Variants in ADARB1 observed in about 807,000 individuals in gnomAD.
ADARB1 encodes adenosine deaminase RNA specific B1.
Under a neutral mutation model 52.4 loss-of-function variants are expected in ADARB1, and 10 were observed. The ratio of observed to expected loss-of-function variants is 0.19; its 90% CI spans 0.12 to 0.32. The LOEUF (loss-of-function observed/expected upper bound fraction) is 0.32. Ranked by LOEUF, ADARB1 falls within the 10% of genes least tolerant of loss-of-function variation. ADARB1 has a pLI of 1.00. For synonymous variants in ADARB1, 349 were observed against 371.1 expected, an observed-to-expected ratio of 0.94 and a Z score of 0.68; for missense variants, 643 against 922.3, an observed-to-expected ratio of 0.70 and a Z score of 3.92.
intron 1 of ADARB1, among the ~76,000 whole-genome samples, chr21:45,082,277 A>G (rs1387004167): frequency 6.6e-6 from 1 of 152,238 alleles, no homozygotes; most frequent in South Asian, 2.1e-4. Flanking sequence ...GATGAGGTTC[A>G]TAACTTAAAT....
chr21:45,116,363 A>G lies in ADARB1; in HGVS notation c.-219-12039A>G, dbSNP rs558456736. ...CTTTGGAGAAAACTCTACATTGCCA[A>G]GCTTCTTCTGAAAGATTTAATTTTT... is the stretch of plus-strand genomic sequence containing the variant. On this transcript the variant is annotated intron_variant, in intron 1 of 10. Coordinates refer to ENST00000348831, the MANE Select transcript of ADARB1 (RefSeq NM_001112.4). Among the ~76,000 whole-genome samples, 15 of 152,374 alleles carry G rather than the reference A, an allele frequency of 9.8e-5. No homozygotes were observed. The South Asian group carries it at 3.1e-3, about 32-fold the overall frequency.
intron 1 of ADARB1, among the ~76,000 whole-genome samples, chr21:45,085,516 C>T (rs79930418): frequency 1.9e-3 from 293 of 152,200 alleles, no homozygotes; most frequent in African/African-American, 6.4e-3. Context: ...ACTCCATTCT[C>T]GATATGAATG....
At chr21:45,169,658 C>G (rs1209248930) in intron 2 of ADARB1, among the ~76,000 whole-genome samples, 1 of 152,208 alleles carries the variant, frequency 6.6e-6, no homozygotes, top group African/African-American at 2.4e-5. Flanking sequence ...ACTCTGTCTT[C>G]CCACTGAGGA....
At chr21:45,147,562 G>A (rs1029694883) in intron 2 of ADARB1, among the ~76,000 whole-genome samples, 1 of 152,190 alleles carries the variant, frequency 6.6e-6, no homozygotes, top group Non-Finnish European at 1.5e-5. Context: ...GAAGGGGGTG[G>A]TCTGATGTTT....
intron 1 of ADARB1, among the ~76,000 whole-genome samples, chr21:45,083,083 C>G (rs1008654912): frequency 6.6e-6 from 1 of 152,204 alleles, no homozygotes; most frequent in East Asian, 1.9e-4. Context: ...TACCTTCCTC[C>G]CCACACAGCC....
intron 8 of ADARB1, among the ~76,000 whole-genome samples, chr21:45,203,338 G>T (rs940123970): frequency 9.2e-5 from 14 of 152,176 alleles, no homozygotes; most frequent in African/African-American, 3.4e-4. Context: ...ATTCCTTCAA[G>T]TACATACACC....
At position 45,222,347 on chromosome 21, in the gene ADARB1, A is replaced by G. The variant is rs1429101824; in HGVS notation, c.*150A>G. On this transcript the variant is annotated 3_prime_UTR_variant, in exon 11 of 11. Coordinates refer to ENST00000348831, the MANE Select transcript of ADARB1 (RefSeq NM_001112.4). Reference sequence around the variant, plus strand: ...CCAGGTGTCCACGGTTGTCCCCAGCATCTCACATCAGACCTGGGGCAGGTG... The same window carrying G: ...CCAGGTGTCCACGGTTGTCCCCAGCGTCTCACATCAGACCTGGGGCAGGTG... 1 of 1,386,918 alleles carries G rather than the reference A, an allele frequency of 7.2e-7. No individual in the cohort carries two copies. The highest frequency in any genetic ancestry group is 9.3e-7 in the Non-Finnish European group (1 of 1,077,290). The allele number at this position is 1,386,918 out of a possible 1,614,324, so 85.9% of individuals were successfully genotyped here.
At chr21:45,087,752 T>G (rs2086403812) in intron 1 of ADARB1, among the ~76,000 whole-genome samples, 1 of 152,106 alleles carries the variant, frequency 6.6e-6, no homozygotes, top group South Asian at 2.1e-4. Flanking sequence ...AAATGAAATA[T>G]AAGCGGAAAA....
intron 1 of ADARB1, among the ~76,000 whole-genome samples, chr21:45,098,662 C>T (rs116988735): frequency 5.3e-5 from 8 of 152,284 alleles, no homozygotes; most frequent in East Asian, 3.9e-4. Context: ...GCCTCATTCC[C>T]GTGAGGATTA....
In ADARB1 at chr21:45,221,629, C is replaced by T. The variant is rs991608776; in HGVS notation, c.1927-389C>T. Among the ~76,000 whole-genome samples, 1 of 152,188 alleles carries T rather than the reference C, an allele frequency of 6.6e-6. No individual in the cohort carries two copies. Among genetic ancestry groups the T allele is most frequent in the Non-Finnish European group, 1.5e-5 (1 of 68,026 alleles). On this transcript the variant is annotated intron_variant, in intron 10 of 10. Coordinates refer to ENST00000348831, the MANE Select transcript of ADARB1 (RefSeq NM_001112.4). The surrounding 1 kb of genome is among the most constrained non-coding windows in gnomAD (Gnocchi z 4.9). Reference sequence around the variant, plus strand: ...AGGCCAGCTGCCACAAGTCCAAGGTCCACACAGAAGGAGTTACTGGCCGCA... The same window carrying T: ...AGGCCAGCTGCCACAAGTCCAAGGTTCACACAGAAGGAGTTACTGGCCGCA...
At chr21:45,168,061 T>G (rs1039605462) in intron 2 of ADARB1, among the ~76,000 whole-genome samples, 2 of 152,220 alleles carry the variant, frequency 1.3e-5, no homozygotes, top group Admixed American at 1.3e-4. Flanking sequence ...TGCAGCGGAG[T>G]TATCTCACGG....
intron 1 of ADARB1, among the ~76,000 whole-genome samples, chr21:45,087,805 G>A (rs2086406800): frequency 6.6e-6 from 1 of 152,226 alleles, no homozygotes; most frequent in Non-Finnish European, 1.5e-5. Context: ...CCACAGCAAA[G>A]GGGGTGGAAA....
chr21:45,179,189 A>C (rs1016686747), intron 4 of ADARB1, among the ~76,000 whole-genome samples: 1 of 152,102 alleles, frequency 6.6e-6, no homozygotes, highest in Non-Finnish European at 1.5e-5. Flanking sequence ...TCACCCCTGC[A>C]TTGCAGATGC....
chr21:45,121,551 C>T (rs1235011582), intron 1 of ADARB1, among the ~76,000 whole-genome samples: 2 of 152,060 alleles, frequency 1.3e-5, no homozygotes, highest in African/African-American at 2.4e-5. Context: ...GTTAGTTGGC[C>T]GAATCTGTTT....
At chr21:45,167,608 A>G (rs1320558597) in intron 2 of ADARB1, among the ~76,000 whole-genome samples, 2 of 152,130 alleles carry the variant, frequency 1.3e-5, no homozygotes, top group African/African-American at 4.8e-5. Flanking sequence ...AAAATTAGCC[A>G]GGCATGGTGG....
chr21:45,202,796 A>G (rs1329073673), intron 8 of ADARB1, among the ~76,000 whole-genome samples: 1 of 151,116 alleles, frequency 6.6e-6, no homozygotes, highest in African/African-American at 2.4e-5. Flanking sequence ...AGCGCGTGCC[A>G]CACTGTGCTG....
rs3788165 is a variant in ADARB1, at chr21:45,149,327, T to C, written c.-48+20754T>C. Among the ~76,000 whole-genome samples the C allele has an allele frequency of 2.9e-3, 438 of 152,362 alleles. 2 individuals are homozygous for C. The East Asian group carries it at 0.046, about 16-fold the overall frequency. On this transcript the variant is annotated intron_variant, in intron 2 of 10. Coordinates refer to ENST00000348831, the MANE Select transcript of ADARB1 (RefSeq NM_001112.4). ...TGATCCATGCATGCTGATGAGTTGC[T>C]GGCTGCCTCCTTGTGCACAGCATCT...
At chr21:45,179,673 A>G (rs992971232) in intron 4 of ADARB1, among the ~76,000 whole-genome samples, 5 of 152,122 alleles carry the variant, frequency 3.3e-5, no homozygotes, top group East Asian at 1.9e-4. Context: ...TCTCTGGTAC[A>G]TGATTCTATC....
At position 45,221,922 on chromosome 21, in the gene ADARB1, A is replaced by C; in HGVS notation, c.1927-96A>C. On this transcript the variant is annotated intron_variant, in intron 10 of 10. Coordinates refer to ENST00000348831, the MANE Select transcript of ADARB1 (RefSeq NM_001112.4). This position sits in a 1 kb window ranked among gnomAD's most constrained non-coding sequence, Gnocchi z 4.9. ...TGGGTTGCTTTCCCCCCAGAAGCCAATGCAGTTCTGAAGGCCATGTTTTGG... is the reference window on the plus strand; with the variant it reads ...TGGGTTGCTTTCCCCCCAGAAGCCACTGCAGTTCTGAAGGCCATGTTTTGG... The C allele has an allele frequency of 7.3e-7, 1 of 1,368,596 alleles. No homozygotes were observed. The highest frequency in any genetic ancestry group is 1.0e-6 in the Non-Finnish European group (1 of 993,694). 84.8% of individuals were successfully genotyped at this position (1,368,596 alleles called of 1,614,324 possible). A position where few individuals can be genotyped will look rare whatever the true frequency, so the allele number is the denominator to read the frequency against.
Sources: gnomAD v4.1 joint callset for allele counts (sites outside exome capture counted in the v4.1 genomes callset) on GRCh38, gnomAD v4.1.1 for gene constraint, Gnocchi (gnomAD v3.1) non-coding constraint, MANE v1.5 for transcripts, NCBI Gene and HGNC (gene_info 2026-07-23, HGNC 2026-07-21) for gene names.